LUZP2: variants seen among roughly 807,000 people sequenced by gnomAD.
The protein encoded by LUZP2 is leucine zipper protein 2.
LUZP2 carries 52 observed loss-of-function variants against 51.6 expected under a neutral mutation model. That is an observed-to-expected ratio of 1.01 (90% CI 0.81 to 1.27). The LOEUF (loss-of-function observed/expected upper bound fraction) is 1.27. Among genes scored for constraint, LUZP2 ranks in the 50% most tolerant of loss-of-function variants. The pLI, the probability that LUZP2 is intolerant of heterozygous loss-of-function variation, is 0.00. For synonymous variants in LUZP2, 154 were observed against 137.3 expected (o/e 1.12, Z -0.85); for missense variants, 436 against 395.4 (o/e 1.10, Z -0.87).
chr11:24,835,388 C>T (rs1850833137), intron 5 of LUZP2, among the ~76,000 whole-genome samples: 1 of 152,100 alleles, frequency 6.6e-6, no homozygotes, highest in Non-Finnish European at 1.5e-5. Context: ...CCATTCAGGA[C>T]ATAGGCATGG....
intron 5 of LUZP2, among the ~76,000 whole-genome samples, chr11:24,813,453 G>A (rs538912364): frequency 6.6e-6 from 1 of 152,160 alleles, no homozygotes; most frequent in Non-Finnish European, 1.5e-5. Context: ...GAAGGCAAAG[G>A]GGGAGCAGGC....
rs768310892 is a variant in LUZP2, at chr11:24,543,539, C to A, written c.62+46234C>A. Among the ~76,000 whole-genome samples, 52 of 151,794 alleles carry A rather than the reference C, an allele frequency of 3.4e-4. 1 individual carries two copies. The highest frequency in any genetic ancestry group is 1.6e-4 in the Non-Finnish European group (11 of 67,934). On this transcript the variant is annotated intron_variant, in intron 1 of 11. Coordinates refer to ENST00000336930, the MANE Select transcript of LUZP2 (RefSeq NM_001009909.4). ...GACATACAGTTTGTATTGCTATGAG[C>A]GAGGAAATAGAGACAAATGGAATCA...
chr11:24,699,073 A>G (rs1375972143), intron 1 of LUZP2, among the ~76,000 whole-genome samples: 2 of 142,164 alleles, frequency 1.4e-5, no homozygotes, highest in African/African-American at 2.7e-5. Flanking sequence ...AATAAATGAA[A>G]ACAAACCACA....
chr11:24,981,685 C>T (rs1200406909), intron 8 of LUZP2, among the ~76,000 whole-genome samples: 1 of 151,742 alleles, frequency 6.6e-6, no homozygotes, highest in Admixed American at 6.6e-5. Flanking sequence ...TTGTTTTTAC[C>T]ATTATGTGGG....
At chr11:24,745,992 C>T (rs1859366903) in intron 4 of LUZP2, among the ~76,000 whole-genome samples, 1 of 152,094 alleles carries the variant, frequency 6.6e-6, no homozygotes, top group African/African-American at 2.4e-5. Context: ...CTTATCCATT[C>T]TGCAGTTCGG....
intron 1 of LUZP2, among the ~76,000 whole-genome samples, chr11:24,706,026 G>T (rs1857570807): frequency 6.6e-6 from 1 of 152,022 alleles, no homozygotes; most frequent in South Asian, 2.1e-4. Flanking sequence ...CGCCCAGGGT[G>T]AGACTACCTA....
At chr11:24,958,077 G>A (rs1254953282) in intron 7 of LUZP2, among the ~76,000 whole-genome samples, 1 of 152,080 alleles carries the variant, frequency 6.6e-6, no homozygotes, top group African/African-American at 2.4e-5. Flanking sequence ...CAAAGGACAT[G>A]AACTCATCAT....
At chr11:24,895,992 T>G (rs916617032) in intron 5 of LUZP2, among the ~76,000 whole-genome samples, 1 of 152,244 alleles carries the variant, frequency 6.6e-6, no homozygotes, top group Admixed American at 6.5e-5. Flanking sequence ...CACACCCTTA[T>G]CAGCATCTGT....
chr11:24,714,415 C>T (rs2133937712), intron 1 of LUZP2, among the ~76,000 whole-genome samples: 1 of 152,200 alleles, frequency 6.6e-6, no homozygotes, highest in African/African-American at 2.4e-5. Context: ...CAAAATACAC[C>T]TCCAGACATC....
At chr11:24,545,973 A>G (rs1851526902) in intron 1 of LUZP2, among the ~76,000 whole-genome samples, 2 of 152,016 alleles carry the variant, frequency 1.3e-5, no homozygotes, top group Admixed American at 6.6e-5. Flanking sequence ...AGTGCTTTGC[A>G]GGTCTCCTTG....
intron 5 of LUZP2, among the ~76,000 whole-genome samples, chr11:24,851,402 C>A (rs375896480): frequency 5.6e-4 from 85 of 152,206 alleles, no homozygotes; most frequent in African/African-American, 1.9e-3. Context: ...TGATGGATTA[C>A]GTTTATTGAT....
Position 25,074,517 on chromosome 11 carries a change from C to T in LUZP2, c.859-2812C>T, listed in dbSNP as rs952945178. Among the ~76,000 whole-genome samples the T allele has an allele frequency of 9.1e-4, 138 of 152,166 alleles. 1 individual carries two copies. Among genetic ancestry groups the T allele is most frequent in the Non-Finnish European group, 4.0e-4 (27 of 68,006 alleles). On this transcript the variant is annotated intron_variant, in intron 10 of 11. Coordinates refer to ENST00000336930, the MANE Select transcript of LUZP2 (RefSeq NM_001009909.4). ...ATTATTCAGATGATCAAAGGCTTAT[C>T]TCGAATAGTTGGTTGTGCTAGCATT...
At position 25,082,168 on chromosome 11, in the gene LUZP2, CT is replaced by C. The variant is rs930856352; in HGVS notation, c.*3516del. ...AATATTGAAAAAACTAGGTTGCTAACTTTTTTCATTCCTTATGCAAATGTTT... is the reference window on the plus strand; with the variant it reads ...AATATTGAAAAAACTAGGTTGCTAACTTTTTCATTCCTTATGCAAATGTTT... On this transcript the variant is annotated 3_prime_UTR_variant, in exon 12 of 12. Coordinates refer to ENST00000336930, the MANE Select transcript of LUZP2 (RefSeq NM_001009909.4). 7.5e-4 allele frequency: 115 copies of C among 152,602 alleles called. No individual in the cohort carries two copies. The highest frequency in any genetic ancestry group is 2.7e-3 in the African/African-American group (112 of 41,532). The allele number at this position is 152,602 out of a possible 1,614,324, so 9.5% of individuals were successfully genotyped here. A position where few individuals can be genotyped will look rare whatever the true frequency, so the allele number is the denominator to read the frequency against.
chr11:24,881,950 A>G (rs889091378), intron 5 of LUZP2, among the ~76,000 whole-genome samples: 1 of 151,950 alleles, frequency 6.6e-6, no homozygotes, highest in African/African-American at 2.4e-5. Context: ...AACAAAGTGA[A>G]TATTCATGAT....
intron 1 of LUZP2, among the ~76,000 whole-genome samples, chr11:24,559,182 T>G (rs2133767402): frequency 6.6e-6 from 1 of 152,160 alleles, no homozygotes; most frequent in African/African-American, 2.4e-5. Flanking sequence ...TGAAAAAATA[T>G]TTTTCTAAAT....
chr11:24,953,561 G>T (rs1211628216), intron 7 of LUZP2, among the ~76,000 whole-genome samples: 4 of 151,924 alleles, frequency 2.6e-5, no homozygotes, highest in South Asian at 2.1e-4. Context: ...GACTGAAAAA[G>T]CTCCTAAAGG....
intron 1 of LUZP2, among the ~76,000 whole-genome samples, chr11:24,560,506 A>G (rs188969118): frequency 4.6e-5 from 7 of 152,160 alleles, no homozygotes; most frequent in Admixed American, 3.3e-4. Flanking sequence ...ATGGTTGTGT[A>G]AAGAAAACCT....
intron 1 of LUZP2, among the ~76,000 whole-genome samples, chr11:24,524,163 G>A (rs1187917871): frequency 6.6e-6 from 1 of 151,712 alleles, no homozygotes; most frequent in Admixed American, 6.6e-5. Flanking sequence ...TGACAAAGAT[G>A]TTAAATGTTA....
chr11:24,890,989 A>C (rs1852836742), intron 5 of LUZP2: 1 of 971,504 alleles, frequency 1.0e-6, no homozygotes, highest in Admixed American at 6.8e-5. Context: ...GCATCTCTTC[A>C]GTTACACTGC....
Sources: allele counts gnomAD v4.1 joint callset (sites outside exome capture counted in the v4.1 genomes callset), GRCh38; gene constraint gnomAD v4.1.1; transcripts MANE v1.5; gene names NCBI Gene and HGNC (gene_info 2026-07-23, HGNC 2026-07-21).